ABLIM3: variants seen among roughly 807,000 people sequenced by gnomAD.
ABLIM3 encodes actin binding LIM protein family member 3.
Under a neutral mutation model 109.5 loss-of-function variants are expected in ABLIM3, and 61 were observed. The ratio of observed to expected loss-of-function variants is 0.56; its 90% CI spans 0.45 to 0.69. The LOEUF (loss-of-function observed/expected upper bound fraction) is 0.69. Ranked by LOEUF, ABLIM3 falls within the 30% of genes least tolerant of loss-of-function variation. ABLIM3 has a pLI of 0.00. For synonymous variants in ABLIM3, 300 were observed against 324.8 expected, an observed-to-expected ratio of 0.92 and a Z score of 0.82; for missense variants, 796 against 889.5, an observed-to-expected ratio of 0.89 and a Z score of 1.34.
intron 9 of ABLIM3, 111 bp downstream of exon 9, chr5:149,230,818 C>G: frequency 1.6e-6 from 2 of 1,213,902 alleles, no homozygotes; most frequent in Non-Finnish European, 2.4e-6. Context: ...GTGCACACTC[C>G]CAAATGTGTG....
At chr5:149,147,072 T>A (rs991807846) in intron 2 of ABLIM3, among the ~76,000 whole-genome samples, 5 of 149,090 alleles carry the variant, frequency 3.4e-5, no homozygotes, top group Admixed American at 2.0e-4. Context: ...TCTCTCTTTC[T>A]CTCTCTCTCT....
At chr5:149,148,012 G>A (rs1169707030) in intron 2 of ABLIM3, among the ~76,000 whole-genome samples, 2 of 152,142 alleles carry the variant, frequency 1.3e-5, no homozygotes, top group Non-Finnish European at 2.9e-5. Flanking sequence ...CAACCTCTCA[G>A]ACTTCAGTCA....
chr5:149,159,147 G>A (rs1336230939), intron 2 of ABLIM3, among the ~76,000 whole-genome samples: 7 of 152,086 alleles, frequency 4.6e-5, no homozygotes, highest in Admixed American at 2.6e-4. Context: ...ATAGACAAAT[G>A]GATAAACAAT....
At chr5:149,252,726 C>A in intron 22 of ABLIM3, 31 bp from the exon 23 acceptor site, 1 of 1,580,930 alleles carries the variant, frequency 6.3e-7, no homozygotes, top group South Asian at 1.1e-5. Context: ...CACCCTCACC[C>A]AAGCTGGAGA....
intron 17 of ABLIM3, 189 bp from the exon 18 acceptor site, chr5:149,247,593 C>A: frequency 2.5e-6 from 2 of 815,566 alleles, no homozygotes; most frequent in Non-Finnish European, 4.1e-6. Context: ...GACCACAGGA[C>A]AACTTGTGGA....
chr5:149,259,641 T>A lies in ABLIM3; in HGVS notation c.*1237T>A. 1 of 1,493,064 alleles carries A rather than the reference T, an allele frequency of 6.7e-7. No individual in the cohort carries two copies. Among genetic ancestry groups the A allele is most frequent in the Non-Finnish European group, 9.0e-7 (1 of 1,107,598 alleles). 92.5% of individuals were successfully genotyped at this position (1,493,064 alleles called of 1,614,324 possible). On this transcript the variant is annotated 3_prime_UTR_variant, in exon 24 of 24. Transcript: ENST00000309868. Reference sequence around the variant, plus strand: ...TCCTGGATTTTCCCAGTGGCTTCCCTTCCTGCTCGCCTCCCTGAACAGGGG... The same window carrying A: ...TCCTGGATTTTCCCAGTGGCTTCCCATCCTGCTCGCCTCCCTGAACAGGGG...
intron 19 of ABLIM3, among the ~76,000 whole-genome samples, chr5:149,250,059 G>GA (rs879670392): frequency 2.0e-5 from 3 of 152,052 alleles, no homozygotes; most frequent in Non-Finnish European, 4.4e-5. Flanking sequence ...GGTCCCAGAG[G>GA]AAAAAAAGTG....
Position 149,233,125 on chromosome 5 carries a change from C to T in ABLIM3, c.817-104C>T. The T allele has an allele frequency of 5.1e-6, 5 of 989,418 alleles. No homozygotes were observed. The South Asian group carries it at 6.5e-5, about 13-fold the overall frequency. The allele number at this position is 989,418 out of a possible 1,614,324, so 61.3% of individuals were successfully genotyped here. ...GAAGTACAGAAGTAGCCAGAGAGTA[C>T]TTTAATGGTATTGCTAATGTTGCAT... On this transcript the variant is annotated intron_variant, in intron 9 of 23. Transcript: ENST00000309868.
chr5:149,185,704 C>T (rs1756888582), intron 3 of ABLIM3, among the ~76,000 whole-genome samples: 1 of 152,206 alleles, frequency 6.6e-6, no homozygotes, highest in South Asian at 2.1e-4. Flanking sequence ...TTATTTCCAA[C>T]AGCAATCAAC....
At chr5:149,170,777 C>T (rs1393559229) in intron 2 of ABLIM3, among the ~76,000 whole-genome samples, 3 of 152,106 alleles carry the variant, frequency 2.0e-5, no homozygotes, top group South Asian at 2.1e-4. Context: ...AATGTTCGTC[C>T]GTTGATTTGG....
chr5:149,187,701 C>A (rs1341318756), intron 3 of ABLIM3, among the ~76,000 whole-genome samples: 2 of 152,130 alleles, frequency 1.3e-5, no homozygotes, highest in Non-Finnish European at 1.5e-5. Flanking sequence ...TTTCCTACCC[C>A]ACCCTGACTC....
At chr5:149,183,321 A>T in intron 2 of ABLIM3, 131 bp from the exon 3 acceptor site, 1 of 1,095,334 alleles carries the variant, frequency 9.1e-7, no homozygotes, top group Non-Finnish European at 1.3e-6. Context: ...CTGATGATGA[A>T]TTGAAGATAC....
chr5:149,203,161 A>G (rs535325476), intron 5 of ABLIM3, among the ~76,000 whole-genome samples: 22 of 151,980 alleles, frequency 1.4e-4, no homozygotes, highest in African/African-American at 5.3e-4. Context: ...CATCACTACT[A>G]TCATCATCAC....
At chr5:149,167,967 A>G (rs1352087118) in intron 2 of ABLIM3, among the ~76,000 whole-genome samples, 2 of 152,200 alleles carry the variant, frequency 1.3e-5, no homozygotes, top group African/African-American at 2.4e-5. Flanking sequence ...ATAATTCTGC[A>G]TTAAGGGGAG....
rs1242493764 is a variant in ABLIM3, at chr5:149,214,570, G to A, written c.670-2389G>A. ...CCCTGTGGACTGATATGGAGAAGAG[G>A]TAGCCCCACCAAGGAAAGGCTTGGG... On this transcript the variant is annotated intron_variant, in intron 7 of 23. Transcript: ENST00000309868. Among the ~76,000 whole-genome samples the A allele has an allele frequency of 2.6e-5, 4 of 152,352 alleles. No homozygotes were observed. In the East Asian group the frequency reaches 7.7e-4, roughly 29 times the overall value.
At position 149,250,482 on chromosome 5, in the gene ABLIM3, T is replaced by A. The variant is rs749295384; in HGVS notation, c.1765T>A (p.Tyr589Asn). ...CTCCAAATCTGCCTCCCTGCCTGCCTACCGAAGAAATGGGCTGCACAGGGT... is the reference window on the plus strand; with the variant it reads ...CTCCAAATCTGCCTCCCTGCCTGCCAACCGAAGAAATGGGCTGCACAGGGT... ...LISKSASLPA[Y>N]RRNGLHRTPS... The change falls in exon 20 of 24, where the codon TAC becomes AAC. Residue 589 changes from tyrosine to asparagine, a missense_variant. Physicochemically the swap from Tyr to Asn is moderately radical, Grantham distance 143. Coordinates refer to ENST00000309868, the MANE Select transcript of ABLIM3 (RefSeq NM_014945.5). 20 of 1,614,104 alleles carry A rather than the reference T, an allele frequency of 1.2e-5. No individual in the cohort carries two copies. The highest frequency in any genetic ancestry group is 1.5e-5 in the Non-Finnish European group (18 of 1,180,034).
chr5:149,162,891 C>T (rs1370569047), intron 2 of ABLIM3, among the ~76,000 whole-genome samples: 1 of 152,212 alleles, frequency 6.6e-6, no homozygotes, highest in Non-Finnish European at 1.5e-5. Flanking sequence ...GGACGCGTAA[C>T]CCAGCTGAAC....
At chr5:149,233,746 T>A (rs1269526661) in intron 10 of ABLIM3, among the ~76,000 whole-genome samples, 1 of 152,160 alleles carries the variant, frequency 6.6e-6, no homozygotes, top group African/African-American at 2.4e-5. Context: ...GGAAGCCACA[T>A]ACACATGTGG....
At chr5:149,170,741 T>C (rs1755338267) in intron 2 of ABLIM3, among the ~76,000 whole-genome samples, 1 of 152,224 alleles carries the variant, frequency 6.6e-6, no homozygotes, top group African/African-American at 2.4e-5. Context: ...CTTTGAATGA[T>C]GCTTTGTTTC....
Sources: allele counts gnomAD v4.1 joint callset (sites outside exome capture counted in the v4.1 genomes callset), GRCh38; gene constraint gnomAD v4.1.1; transcripts MANE v1.5; gene names NCBI Gene and HGNC (gene_info 2026-07-23, HGNC 2026-07-21).